Variants in PCDH11X observed in about 807,000 individuals in gnomAD.
PCDH11X encodes the protein protocadherin-11 X-linked.
Under a neutral mutation model 53.3 loss-of-function variants are expected in PCDH11X, and 18 were observed. The observed-to-expected ratio is 0.34, with a 90% CI of 0.23 to 0.50. PCDH11X has a LOEUF of 0.50. Ranked by LOEUF, PCDH11X falls within the 20% of genes least tolerant of loss-of-function variation. The pLI is 0.98. For synonymous variants in PCDH11X, 279 were observed against 393.3 expected, an observed-to-expected ratio of 0.71 and a Z score of 3.44; for missense variants, 570 against 1,032.4, an observed-to-expected ratio of 0.55 and a Z score of 6.14.
intron 6 of PCDH11X, among the ~76,000 whole-genome samples, chrX:92,100,701 C>T (rs2064228707): frequency 9.0e-6 from 1 of 110,580 alleles, no homozygotes; most frequent in Non-Finnish European, 1.9e-5. Context: ...TTCCTGCCTT[C>T]TTAATAAGAA....
At position 92,468,314 on chromosome X, in the gene PCDH11X, T is replaced by C. The variant is rs4252208; in HGVS notation, c.3359T>C (p.Leu1120Pro). The C allele has an allele frequency of 0.02, 22,816 of 1,168,596 alleles. 216 individuals are homozygous for C. Among genetic ancestry groups the C allele is most frequent in the Non-Finnish European group, 0.022 (19,216 of 872,626 alleles). Reference sequence around the variant, plus strand: ...TTCTTTTTAGCTTTCATACCTGGACTAAAGAAAGGTACAGTAGAAATCAAC... The same window carrying C: ...TTCTTTTTAGCTTTCATACCTGGACCAAAGAAAGGTACAGTAGAAATCAAC... Reference protein sequence around the residue: ...SDPESTFIPGLKKAAEITVQP... With the variant: ...SDPESTFIPGPKKAAEITVQP... Residue 1120 changes from leucine (L) to proline (P), a missense_variant, in exon 10 of 11, where the codon CTA becomes CCA. Leu to Pro is a moderately conservative substitution (Grantham distance 98). Around this residue, in one of 6 missense-constraint regions of PCDH11X, gnomAD observed 234 missense variants for 296.1 expected, o/e 0.79. Transcript: ENST00000682573.
At chrX:92,429,706 T>C (rs1262202159) in intron 9 of PCDH11X, among the ~76,000 whole-genome samples, 2 of 105,205 alleles carry the variant, frequency 1.9e-5, no homozygotes, top group Non-Finnish European at 3.9e-5. Context: ...CTTACTACCC[T>C]GATTCTCTGA....
intron 6 of PCDH11X, among the ~76,000 whole-genome samples, chrX:92,141,442 T>G (rs1603033503): frequency 8.9e-6 from 1 of 112,068 alleles, no homozygotes; most frequent in Non-Finnish European, 1.9e-5. Flanking sequence ...TGTTAAAAGA[T>G]ATCACATCTT....
At chrX:92,155,818 C>T (rs780034370) in intron 6 of PCDH11X, among the ~76,000 whole-genome samples, 1 of 107,781 alleles carries the variant, frequency 9.3e-6, no homozygotes, top group South Asian at 4.2e-4. Context: ...TTAGTAGAGA[C>T]GGGGTTTCAC....
chrX:92,282,852 G>A lies in PCDH11X; in HGVS notation c.3144+19709G>A, dbSNP rs112267488. Among the ~76,000 whole-genome samples, 185 of 111,193 alleles carry A rather than the reference G, an allele frequency of 1.7e-3. 1 individual carries two copies. The highest frequency in any genetic ancestry group is 5.7e-3 in the African/African-American group (176 of 30,686). On this transcript the variant is annotated intron_variant, in intron 8 of 10. Coordinates refer to ENST00000682573, the MANE Select transcript of PCDH11X (RefSeq NM_032968.5). ...TGGGAGACATTGAATGCTATTTCCC[G>A]TAATGCTAAAGTTTTGGCACTATTT...
intron 6 of PCDH11X, among the ~76,000 whole-genome samples, chrX:92,159,158 CT>C (rs2065592880): frequency 9.0e-6 from 1 of 110,593 alleles, no homozygotes; most frequent in Non-Finnish European, 1.9e-5. Flanking sequence ...GGAATATAAG[CT>C]AAATATTATA....
chrX:92,331,344 TTTCCCC>T (rs1208064915), intron 8 of PCDH11X, among the ~76,000 whole-genome samples: 92 of 79,077 alleles, frequency 1.2e-3, no homozygotes, highest in Non-Finnish European at 1.7e-3. Context: ...CTTCCTTCCT[TTTCCCC>T]CTCCTCTTCC....
intron 6 of PCDH11X, among the ~76,000 whole-genome samples, chrX:92,116,859 A>G (rs766215841): frequency 3.5e-4 from 39 of 110,804 alleles, no homozygotes; most frequent in South Asian, 2.7e-3. Flanking sequence ...TAGTGCTGGG[A>G]TTACAGACAT....
chrX:92,620,010 T>C lies in PCDH11X; in HGVS notation c.*1070T>C, dbSNP rs542646675. The stretch of plus-strand genomic sequence containing the variant: ...TGTAGATAAAACCATATACTAAATC[T>C]ATAAGACTAAGGGATTTTTGTTATT... On this transcript the variant is annotated 3_prime_UTR_variant, in exon 11 of 11. Coordinates refer to ENST00000682573, the MANE Select transcript of PCDH11X (RefSeq NM_032968.5). 3 of 111,182 alleles carry C rather than the reference T, an allele frequency of 2.7e-5. No individual in the cohort carries two copies. The South Asian group carries it at 1.1e-3, about 42-fold the overall frequency. The allele number at this position is 111,182 out of a possible 1,213,427, so 9.2% of individuals were successfully genotyped here.
intron 10 of PCDH11X, among the ~76,000 whole-genome samples, chrX:92,531,232 A>G (rs774746246): frequency 3.6e-5 from 4 of 111,317 alleles, no homozygotes; most frequent in African/African-American, 1.3e-4. Context: ...GCAGTGTACC[A>G]AGAACAAAGG....
intron 7 of PCDH11X, among the ~76,000 whole-genome samples, chrX:92,212,530 A>T (rs2148338175): frequency 9.0e-6 from 1 of 110,532 alleles, no homozygotes; most frequent in Admixed American, 9.7e-5. Context: ...TTGTATTTTT[A>T]GTAGAGACCG....
intron 6 of PCDH11X, among the ~76,000 whole-genome samples, chrX:91,880,279 T>C (rs1290198157): frequency 8.9e-6 from 1 of 111,871 alleles, no homozygotes; most frequent in African/African-American, 3.3e-5. Context: ...GAAGTCATGC[T>C]ACATGTTGAG....
At chrX:92,500,329 C>CT (rs1275226216) in intron 10 of PCDH11X, among the ~76,000 whole-genome samples, 2 of 111,151 alleles carry the variant, frequency 1.8e-5, no homozygotes. Context: ...TTTCTCCTAC[C>CT]TTTTTTACCC....
chrX:92,241,732 C>G (rs1432717440), intron 7 of PCDH11X, among the ~76,000 whole-genome samples: 1 of 111,627 alleles, frequency 9.0e-6, no homozygotes, highest in Non-Finnish European at 1.9e-5. Flanking sequence ...TTCTGCTTTT[C>G]CTTGGTTAGT....
At chrX:92,035,914 T>C (rs1209208528) in intron 6 of PCDH11X, among the ~76,000 whole-genome samples, 1 of 13,420 alleles carries the variant, frequency 7.5e-5, no homozygotes, top group Non-Finnish European at 1.2e-4. Flanking sequence ...TTCTTCTGCT[T>C]GATTAATTCT....
At chrX:92,023,360 C>G (rs2062919189) in intron 6 of PCDH11X, among the ~76,000 whole-genome samples, 1 of 107,832 alleles carries the variant, frequency 9.3e-6, no homozygotes, top group Non-Finnish European at 1.9e-5. Flanking sequence ...GCAATACAAA[C>G]TACCATCAGA....
At chrX:91,950,322 T>G (rs1276447433) in intron 6 of PCDH11X, among the ~76,000 whole-genome samples, 1 of 106,258 alleles carries the variant, frequency 9.4e-6, no homozygotes, top group Non-Finnish European at 1.9e-5. Context: ...TTCTTCTGAG[T>G]CTCCTATGTC....
chrX:91,852,036 G>A (rs1476159320), intron 5 of PCDH11X, among the ~76,000 whole-genome samples: 7 of 94,860 alleles, frequency 7.4e-5, no homozygotes, highest in Non-Finnish European at 1.2e-4. Flanking sequence ...TTTTTGAGAC[G>A]GAGTTTCACT....
chrX:92,144,913 A>C (rs912723393), intron 6 of PCDH11X, among the ~76,000 whole-genome samples: 3 of 111,634 alleles, frequency 2.7e-5, no homozygotes, highest in African/African-American at 9.8e-5. Context: ...AGAAAATCTA[A>C]ATGATATGGT....
Sources: gnomAD v4.1 joint callset for allele counts (sites outside exome capture counted in the v4.1 genomes callset) on GRCh38, gnomAD v4.1.1 for gene constraint, gnomAD v4.1.1 regional missense constraint, MANE v1.5 for transcripts, NCBI Gene and HGNC (gene_info 2026-07-23, HGNC 2026-07-21) for gene names.